The following TTL variants were observed in gnomAD, a reference collection of about 807,000 sequenced individuals.
TTL encodes the protein tubulin--tyrosine ligase.
TTL carries 10 observed loss-of-function variants against 41.1 expected under a neutral mutation model. The ratio of observed to expected loss-of-function variants is 0.24; its 90% CI spans 0.15 to 0.41. The LOEUF (loss-of-function observed/expected upper bound fraction) is 0.41, where lower values mean the gene tolerates loss of function less well. Among genes scored for constraint, TTL ranks in the 10% least tolerant of loss-of-function variants. The pLI, the probability that TTL is intolerant of heterozygous loss-of-function variation, is 1.00. For missense variants in TTL, 367 were observed against 460.4 expected (o/e 0.80, Z 1.86); for synonymous variants, 175 against 175.5 (o/e 1.00, Z 0.02).
chr2:112,492,184 G>A (rs1015698723), intron 2 of TTL, among the ~76,000 whole-genome samples: 3 of 152,198 alleles, frequency 2.0e-5, no homozygotes, highest in Non-Finnish European at 4.4e-5. Context: ...TGGCCCTGAC[G>A]TGCATGCTGC....
chr2:112,487,876 T>C (rs1293020789), intron 2 of TTL, among the ~76,000 whole-genome samples: 1 of 152,230 alleles, frequency 6.6e-6, no homozygotes, highest in Non-Finnish European at 1.5e-5. Flanking sequence ...TGATTTTGTA[T>C]GGCTTGAAAG....
At chr2:112,526,586 T>C (rs1374084926) in intron 6 of TTL, among the ~76,000 whole-genome samples, 2 of 152,246 alleles carry the variant, frequency 1.3e-5, no homozygotes, top group Non-Finnish European at 2.9e-5. Flanking sequence ...GAGGTGTTTA[T>C]AGTATTTTCT....
chr2:112,536,537 T>C lies in TTL; in HGVS notation c.*7742T>C, dbSNP rs1339621894. The stretch of plus-strand genomic sequence containing the variant: ...TTCTATAGACAAAGAAGGACTTTTT[T>C]TTAATAGTTCCAACTTTTATTTTAA... On this transcript the variant is annotated 3_prime_UTR_variant, in exon 7 of 7. Transcript: ENST00000233336. 1 of 152,240 alleles carries C rather than the reference T, an allele frequency of 6.6e-6. No individual in the cohort carries two copies. The highest frequency in any genetic ancestry group is 2.4e-5 in the African/African-American group (1 of 41,458). 9.4% of individuals were successfully genotyped at this position (152,240 alleles called of 1,614,324 possible).
chr2:112,527,673 C>T (rs978398714), intron 6 of TTL, among the ~76,000 whole-genome samples: 1 of 152,170 alleles, frequency 6.6e-6, no homozygotes, highest in African/African-American at 2.4e-5. Context: ...GGTAGATCTT[C>T]TTCCATCCCT....
intron 2 of TTL, among the ~76,000 whole-genome samples, chr2:112,493,215 C>G (rs547145906): frequency 1.3e-3 from 193 of 152,252 alleles, no homozygotes; most frequent in African/African-American, 4.5e-3. Context: ...ATGAACAGTT[C>G]TGTTCTAAAC....
chr2:112,520,279 T>C lies in TTL; in HGVS notation c.876-3T>C. Reference sequence around the variant, plus strand: ...AATGAGCATTTCCCCTCCTGCCTCATAGGAACTGCCTCCTGAGCGTGGAGC... The same window carrying C: ...AATGAGCATTTCCCCTCCTGCCTCACAGGAACTGCCTCCTGAGCGTGGAGC... On this transcript the variant is annotated splice_region_variant and splice_polypyrimidine_tract_variant and intron_variant, in intron 5 of 6. Coordinates refer to ENST00000233336, the MANE Select transcript of TTL (RefSeq NM_153712.5). 1 of 1,613,834 alleles carries C rather than the reference T, an allele frequency of 6.2e-7. No individual in the cohort carries two copies.
chr2:112,530,103 A>G lies in TTL; in HGVS notation c.*1308A>G. The G allele has an allele frequency of 4.4e-6, 1 of 229,806 alleles. No individual in the cohort carries two copies. Among genetic ancestry groups the G allele is most frequent in the Non-Finnish European group, 8.6e-6 (1 of 115,954 alleles). 14.2% of individuals were successfully genotyped at this position (229,806 alleles called of 1,614,324 possible). On this transcript the variant is annotated 3_prime_UTR_variant, in exon 7 of 7. Transcript: ENST00000233336. The stretch of plus-strand genomic sequence containing the variant: ...CAACCCATTGAAAACTGCCCTCCCC[A>G]CCAGAACGTGCTACGTTCTTTCTTC...
intron 3 of TTL, among the ~76,000 whole-genome samples, chr2:112,500,596 TAAC>T (rs1257391702): frequency 1.4e-4 from 22 of 152,292 alleles, no homozygotes; most frequent in East Asian, 3.9e-4. Flanking sequence ...AACAAAGAAA[TAAC>T]AACAAAAACT....
intron 2 of TTL, among the ~76,000 whole-genome samples, chr2:112,490,660 C>T (rs1681358817): frequency 6.8e-6 from 1 of 146,480 alleles, no homozygotes. Context: ...ACAACCTCTG[C>T]CTCCCAGTTC....
In TTL at chr2:112,532,350, C is replaced by T. The variant is rs547493709; in HGVS notation, c.*3555C>T. The T allele has an allele frequency of 4.4e-6, 1 of 226,650 alleles. No homozygotes were observed. The highest frequency in any genetic ancestry group is 6.3e-5 in the East Asian group (1 of 15,812). 14.0% of individuals were successfully genotyped at this position (226,650 alleles called of 1,614,324 possible). Reference sequence around the variant, plus strand: ...AGAGGAAATGACTGCTGAAATAAGGCGATTGTATGAATATTTAAAATGCCT... The same window carrying T: ...AGAGGAAATGACTGCTGAAATAAGGTGATTGTATGAATATTTAAAATGCCT... On this transcript the variant is annotated 3_prime_UTR_variant, in exon 7 of 7. Transcript: ENST00000233336.
At chr2:112,520,453 C>T in intron 6 of TTL, 28 bp downstream of exon 6, 3 of 1,608,360 alleles carry the variant, frequency 1.9e-6, no homozygotes, top group Non-Finnish European at 2.6e-6. Context: ...TGTGTTTTTA[C>T]AAGTGGGAAG....
At chr2:112,521,048 A>G (rs1324056711) in intron 6 of TTL, among the ~76,000 whole-genome samples, 1 of 152,196 alleles carries the variant, frequency 6.6e-6, no homozygotes, top group Admixed American at 6.5e-5. Flanking sequence ...GTGGCGACCC[A>G]GAAGTTCAGA....
chr2:112,511,355 C>T (rs78689371), intron 5 of TTL, among the ~76,000 whole-genome samples: 7 of 151,544 alleles, frequency 4.6e-5, no homozygotes, highest in East Asian at 1.9e-4. Context: ...GCCAAAAGGC[C>T]GAGAAGCGAT....
At chr2:112,486,026 T>C (rs774996145) in intron 2 of TTL, 31 bp downstream of exon 2, 1 of 1,608,614 alleles carries the variant, frequency 6.2e-7, no homozygotes, top group Non-Finnish European at 8.5e-7. Context: ...TTTCCATTTT[T>C]TACCTAAATG....
intron 5 of TTL, among the ~76,000 whole-genome samples, chr2:112,503,595 G>A (rs2104460189): frequency 6.7e-6 from 1 of 148,562 alleles, no homozygotes; most frequent in East Asian, 1.9e-4. Context: ...CACCACGCTG[G>A]GCTAATTTTG....
intron 2 of TTL, among the ~76,000 whole-genome samples, chr2:112,490,773 A>G (rs776125571): frequency 2.6e-5 from 4 of 151,670 alleles, no homozygotes; most frequent in Non-Finnish European, 5.9e-5. Flanking sequence ...GGATTTCACC[A>G]TGTTGACCAG....
chr2:112,482,349 A>G lies in TTL; in HGVS notation c.5A>G (p.Tyr2Cys). The part of the protein sequence containing the change: M[Y>C]TFVVRDENSS... ...CCGGGCGCGCGGCGCTTCGCCATGT[A>G]CACCTTCGTGGTACGCGATGAGAAC... The change falls in exon 1 of 7, where the codon TAC (tyrosine) becomes TGC (cysteine). Residue 2 changes from tyrosine to cysteine, a missense_variant. Transcript: ENST00000233336. This position sits in a 1 kb window ranked among gnomAD's most constrained non-coding sequence, Gnocchi z 5.3. 6.5e-7 allele frequency: 1 copy of G among 1,548,950 alleles called. No individual in the cohort carries two copies. The highest frequency in any genetic ancestry group is 8.7e-7 in the Non-Finnish European group (1 of 1,147,310).
At chr2:112,503,212 G>A in intron 5 of TTL, 31 bp downstream of exon 5, 3 of 1,525,922 alleles carry the variant, frequency 2.0e-6, no homozygotes, top group Non-Finnish European at 2.6e-6. Context: ...TGGATTACGT[G>A]TTTCTTCTTG....
chr2:112,498,862 A>G (rs1681611198), intron 3 of TTL, among the ~76,000 whole-genome samples: 1 of 152,096 alleles, frequency 6.6e-6, no homozygotes, highest in South Asian at 2.1e-4. Flanking sequence ...CTCCATCTCA[A>G]TCAATAAATA....
Sources: gnomAD v4.1 joint callset for allele counts (sites outside exome capture counted in the v4.1 genomes callset) on GRCh38, gnomAD v4.1.1 for gene constraint, Gnocchi (gnomAD v3.1) non-coding constraint, MANE v1.5 for transcripts, NCBI Gene and HGNC (gene_info 2026-07-23, HGNC 2026-07-21) for gene names.